HIKESHI: variants seen among roughly 807,000 people sequenced by gnomAD.
HIKESHI encodes the protein protein Hikeshi.
A neutral mutation model predicts 25.7 loss-of-function variants in HIKESHI; 13 were observed. The ratio of observed to expected loss-of-function variants is 0.51; its 90% CI spans 0.33 to 0.80. HIKESHI has a LOEUF of 0.80. Among genes scored for constraint, HIKESHI ranks in the 30% least tolerant of loss-of-function variants. The probability of loss-of-function intolerance (pLI) is 0.02; values close to 1 mark genes in which losing one functional copy is unlikely to be tolerated. For synonymous variants in HIKESHI, 76 were observed against 78.7 expected (o/e 0.97, Z 0.18); for missense variants, 174 against 229.5 (o/e 0.76, Z 1.56).
At chr11:86,318,051 TC>T (rs1947036229) in intron 2 of HIKESHI, among the ~76,000 whole-genome samples, 1 of 151,940 alleles carries the variant, frequency 6.6e-6, no homozygotes, top group African/African-American at 2.4e-5. Flanking sequence ...ACGCCTGTAA[TC>T]CCAGCACTTT....
chr11:86,312,990 A>AT (rs1426002679), intron 2 of HIKESHI, among the ~76,000 whole-genome samples: 3 of 151,760 alleles, frequency 2.0e-5, no homozygotes, highest in African/African-American at 7.3e-5. Flanking sequence ...TGCCCTTAAC[A>AT]TTTTTTCCTT....
chr11:86,302,404 T>A lies in HIKESHI; in HGVS notation c.-45T>A. 1 of 1,550,990 alleles carries A rather than the reference T, an allele frequency of 6.4e-7. No individual in the cohort carries two copies. The highest frequency in any genetic ancestry group is 8.7e-7 in the Non-Finnish European group (1 of 1,146,816). On this transcript the variant is annotated 5_prime_UTR_variant, in exon 1 of 5. Coordinates refer to ENST00000278483, the MANE Select transcript of HIKESHI (RefSeq NM_016401.4). ...AGGGCAGTAGCCCCAGGACTCCTAGTCGCCGGCTTCAGGTCACTGCCGGCT... is the reference window on the plus strand; with the variant it reads ...AGGGCAGTAGCCCCAGGACTCCTAGACGCCGGCTTCAGGTCACTGCCGGCT...
chr11:86,319,410 GTTT>G lies in HIKESHI; in HGVS notation c.268+12936_268+12938del, dbSNP rs76747822. Among the ~76,000 whole-genome samples, 25 of 147,254 alleles carry G rather than the reference GTTT, an allele frequency of 1.7e-4. No individual in the cohort carries two copies. The East Asian group carries it at 4.0e-3, about 24-fold the overall frequency. On this transcript the variant is annotated intron_variant, in intron 2 of 4. Coordinates refer to ENST00000278483, the MANE Select transcript of HIKESHI (RefSeq NM_016401.4). ...ACATCACCACACCTGGCTAATTTGT[GTTT>G]TTTTTTTGTTGTTGTTTTTTGTTTG...
chr11:86,321,793 G>T (rs1244591404), intron 2 of HIKESHI, among the ~76,000 whole-genome samples: 1 of 152,182 alleles, frequency 6.6e-6, no homozygotes. Context: ...GCCTCCCAAA[G>T]TGTTGGGATT....
chr11:86,316,437 G>T (rs780565831), intron 2 of HIKESHI, among the ~76,000 whole-genome samples: 4 of 152,014 alleles, frequency 2.6e-5, no homozygotes, highest in Admixed American at 1.3e-4. Context: ...GCTTGAACTC[G>T]GGAGGTGGAG....
intron 2 of HIKESHI, among the ~76,000 whole-genome samples, chr11:86,329,560 T>G (rs1189774197): frequency 7.1e-6 from 1 of 140,022 alleles, no homozygotes; most frequent in African/African-American, 2.7e-5. Context: ...TTTCAATTTT[T>G]ATGCCTGTGA....
At chr11:86,335,940 C>G (rs1947546138) in intron 2 of HIKESHI, among the ~76,000 whole-genome samples, 1 of 152,058 alleles carries the variant, frequency 6.6e-6, no homozygotes, top group Non-Finnish European at 1.5e-5. Flanking sequence ...CAGAAACTTC[C>G]CCCAGGGAAG....
In HIKESHI at chr11:86,337,515, T is replaced by G; in HGVS notation, c.405T>G (p.Val135=). The G allele has an allele frequency of 1.2e-6, 2 of 1,612,364 alleles. No individual in the cohort carries two copies. Among genetic ancestry groups the G allele is most frequent in the Non-Finnish European group, 1.7e-6 (2 of 1,179,540 alleles). Residue 135 remains valine (V), a synonymous_variant, in exon 3 of 5, where the codon GTT becomes GTG. Transcript: ENST00000278483. ...TPVGNAAVSS[V]DSFTQFTQKM... is the part of the protein sequence containing the mutation. ...TAGGTAATGCTGCTGTATCCTCAGT[T>G]GACTCATTCACTCAGGTAATGCAAC... is the stretch of plus-strand genomic sequence containing the variant.
intron 2 of HIKESHI, among the ~76,000 whole-genome samples, chr11:86,315,033 A>C (rs1293496159): frequency 6.6e-6 from 1 of 152,214 alleles, no homozygotes; most frequent in Non-Finnish European, 1.5e-5. Context: ...TAGTATTTGA[A>C]CAATCTTTGG....
intron 3 of HIKESHI, among the ~76,000 whole-genome samples, chr11:86,342,310 T>A (rs571377681): frequency 6.6e-6 from 1 of 152,354 alleles, no homozygotes; most frequent in Admixed American, 6.5e-5. Context: ...TTTCTCCTTC[T>A]AGCATGGTGC....
rs763156415 is a variant in HIKESHI, at chr11:86,336,941, G to GA, written c.269-426dup. Among the ~76,000 whole-genome samples, 638 of 136,660 alleles carry GA rather than the reference G, an allele frequency of 4.7e-3. 2 individuals are homozygous for GA. Among genetic ancestry groups the GA allele is most frequent in the African/African-American group, 0.015 (553 of 37,304 alleles). 89.7% of individuals were successfully genotyped at this position (136,660 alleles called of 152,430 possible). ...ATTGGCATATTCAGAGTTCTGAAAG[G>GA]AAAAAAAAAAAAGCCATCAACCAGG... On this transcript the variant is annotated intron_variant, in intron 2 of 4. Coordinates refer to ENST00000278483, the MANE Select transcript of HIKESHI (RefSeq NM_016401.4).
At chr11:86,339,776 AG>A (rs1227156332) in intron 3 of HIKESHI, among the ~76,000 whole-genome samples, 1 of 152,108 alleles carries the variant, frequency 6.6e-6, no homozygotes, top group African/African-American at 2.4e-5. Flanking sequence ...TTTAAGTTCT[AG>A]GGTACATGTG....
At chr11:86,344,857 T>TATATAGA in intron 4 of HIKESHI, 136 bp downstream of exon 4, 1 of 619,508 alleles carries the variant, frequency 1.6e-6, no homozygotes, top group Non-Finnish European at 2.8e-6. Flanking sequence ...CATTAAAGTA[T>TATATAGA]GTACTATAGA....
chr11:86,306,451 T>G lies in HIKESHI; in HGVS notation c.237T>G (p.Ser79Arg), dbSNP rs759491264. 1 of 1,611,864 alleles carries G rather than the reference T, an allele frequency of 6.2e-7. No homozygotes were observed. The highest frequency in any genetic ancestry group is 8.5e-7 in the Non-Finnish European group (1 of 1,178,162). The change falls in exon 2 of 5, where the codon AGT becomes AGG. Residue 79 changes from serine (S) to arginine (R), a missense_variant. Physicochemically the swap from Ser to Arg is moderately radical, Grantham distance 110. Coordinates refer to ENST00000278483, the MANE Select transcript of HIKESHI (RefSeq NM_016401.4). ...LLGFVTNGKPSAIFKISGLKS... is the reference protein window; with the variant it reads ...LLGFVTNGKPRAIFKISGLKS... ...GATTTGTCACGAATGGGAAGCCAAGTGCCATCTTCAAAATTTCAGGTCTTA... is the reference window on the plus strand; with the variant it reads ...GATTTGTCACGAATGGGAAGCCAAGGGCCATCTTCAAAATTTCAGGTCTTA...
chr11:86,306,714 T>G (rs1263788783), intron 2 of HIKESHI, among the ~76,000 whole-genome samples: 1 of 152,012 alleles, frequency 6.6e-6, no homozygotes, highest in Non-Finnish European at 1.5e-5. Context: ...AAAATATTTT[T>G]TTTGGCCGGG....
chr11:86,314,999 C>T (rs1946936480), intron 2 of HIKESHI, among the ~76,000 whole-genome samples: 2 of 152,190 alleles, frequency 1.3e-5, no homozygotes, highest in East Asian at 3.8e-4. Flanking sequence ...ATTCATGGTA[C>T]ACATACCCTT....
intron 1 of HIKESHI, among the ~76,000 whole-genome samples, chr11:86,305,851 C>G (rs57089989): frequency 6.6e-6 from 1 of 151,992 alleles, no homozygotes; most frequent in Non-Finnish European, 1.5e-5. Flanking sequence ...AGCGATTCTC[C>G]TGCCTCAGCC....
intron 2 of HIKESHI, among the ~76,000 whole-genome samples, chr11:86,316,137 A>C (rs1277102017): frequency 1.3e-5 from 2 of 149,764 alleles, no homozygotes; most frequent in South Asian, 2.1e-4. Context: ...AAAAAAAAAA[A>C]AGTGCACCTT....
intron 3 of HIKESHI, among the ~76,000 whole-genome samples, chr11:86,342,478 CGTGTGT>C (rs34980731): frequency 0.011 from 1,688 of 147,414 alleles, 28 homozygotes; most frequent in African/African-American, 0.039. Flanking sequence ...TAAAGATGTT[CGTGTGT>C]GTGTGTGTGT....
Sources: allele counts gnomAD v4.1 joint callset (sites outside exome capture counted in the v4.1 genomes callset), GRCh38; gene constraint gnomAD v4.1.1; transcripts MANE v1.5; gene names NCBI Gene and HGNC (gene_info 2026-07-23, HGNC 2026-07-21).